Variants in RBFOX1 observed in about 807,000 individuals in gnomAD.
The protein encoded by RBFOX1 is RNA binding fox-1 homolog 1.
A neutral mutation model predicts 57.7 loss-of-function variants in RBFOX1; 8 were observed. That is an observed-to-expected ratio of 0.14 (90% confidence interval 0.08 to 0.25). RBFOX1 has a LOEUF of 0.25. Among genes scored for constraint, RBFOX1 ranks in the 10% least tolerant of loss-of-function variants. RBFOX1 has a pLI of 1.00. For missense variants in RBFOX1, 611 were observed against 548.5 expected (o/e 1.11, Z -1.14); for synonymous variants, 326 against 222.4 (o/e 1.47, Z -4.15).
intron 1 of RBFOX1, among the ~76,000 whole-genome samples, chr16:6,053,607 C>T (rs546308495): frequency 2.8e-4 from 43 of 152,234 alleles, no homozygotes; most frequent in Admixed American, 1.0e-3. Flanking sequence ...TACTGTGTTG[C>T]GTAAATAGTC....
At chr16:6,787,539 G>A (rs4786934) in intron 3 of RBFOX1, among the ~76,000 whole-genome samples, 99,090 of 152,038 alleles carry the variant, frequency 0.65, 32,567 homozygotes, top group African/African-American at 0.7. Flanking sequence ...GGTGTAAACT[G>A]TATTAATTTG....
At chr16:6,385,577 C>T (rs1222959584) in intron 2 of RBFOX1, among the ~76,000 whole-genome samples, 1 of 152,210 alleles carries the variant, frequency 6.6e-6, no homozygotes, top group African/African-American at 2.4e-5. Context: ...CCAGGCTGGT[C>T]TCAAACTCCT....
rs2065722814 is a variant in RBFOX1, at chr16:5,366,589, C to G, written c.220-100627C>G. The G allele has an allele frequency of 2.1e-5, 8 of 385,400 alleles. 1 individual carries two copies. Among genetic ancestry groups the G allele is most frequent in the South Asian group, 1.5e-4 (7 of 45,442 alleles). 23.9% of individuals were successfully genotyped at this position (385,400 alleles called of 1,614,324 possible). A position where few individuals can be genotyped will look rare whatever the true frequency, so the allele number is the denominator to read the frequency against. ...AAATATAGAAAAAGGTGATTCTTTTCCCAGAGAGGAAGCAAAGTTCATCAA... is the reference window on the plus strand; with the variant it reads ...AAATATAGAAAAAGGTGATTCTTTTGCCAGAGAGGAAGCAAAGTTCATCAA... On this transcript the variant is annotated intron_variant, in intron 1 of 2. Transcript: ENST00000585867.
intron 14 of RBFOX1, 130 bp from the exon 15 acceptor site, chr16:7,708,926 A>C: frequency 2.7e-6 from 2 of 750,744 alleles, no homozygotes. Flanking sequence ...TACACAGCAG[A>C]GTAGAATTTG....
At chr16:6,179,000 T>C (rs1287387461) in intron 1 of RBFOX1, among the ~76,000 whole-genome samples, 1 of 152,138 alleles carries the variant, frequency 6.6e-6, no homozygotes, top group Non-Finnish European at 1.5e-5. Context: ...TAAAAAATAT[T>C]TGTATACCAC....
Position 6,907,223 on chromosome 16 carries a change from T to C in RBFOX1, c.-15-144834T>C, listed in dbSNP as rs141781182. ...CAGGGGCCAGGGATGTTGTTAAATA[T>C]CCTACAGTGCGCAGGATGGCCCCCG... On this transcript the variant is annotated intron_variant, in intron 3 of 15. Coordinates refer to ENST00000550418, the MANE Select transcript of RBFOX1 (RefSeq NM_018723.4). Among the ~76,000 whole-genome samples, 58 of 152,230 alleles carry C rather than the reference T, an allele frequency of 3.8e-4. 1 individual carries two copies. The highest frequency in any genetic ancestry group is 1.3e-3 in the African/African-American group (56 of 41,548).
intron 3 of RBFOX1, among the ~76,000 whole-genome samples, chr16:5,762,109 C>T (rs910769001): frequency 6.6e-6 from 1 of 152,010 alleles, no homozygotes; most frequent in African/African-American, 2.4e-5. Context: ...CCTGCAAAAC[C>T]AATAGTATAC....
chr16:6,027,843 G>T (rs1596489150), intron 1 of RBFOX1, among the ~76,000 whole-genome samples: 1 of 152,336 alleles, frequency 6.6e-6, no homozygotes, highest in East Asian at 1.9e-4. Flanking sequence ...GAAGAACCCA[G>T]CGTAGCTGCA....
chr16:6,783,394 T>A (rs2081361293), intron 3 of RBFOX1, among the ~76,000 whole-genome samples: 1 of 151,228 alleles, frequency 6.6e-6, no homozygotes, highest in Non-Finnish European at 1.5e-5. Context: ...TTTAATTTTT[T>A]TGTGTCCCTG....
chr16:6,630,808 C>G (rs1012863893), intron 2 of RBFOX1, among the ~76,000 whole-genome samples: 30 of 152,146 alleles, frequency 2.0e-4, no homozygotes, highest in African/African-American at 5.6e-4. Context: ...CTGCTCGTTA[C>G]AGGAGTTAAG....
intron 2 of RBFOX1, among the ~76,000 whole-genome samples, chr16:6,646,700 C>A (rs772544087): frequency 8.5e-5 from 13 of 152,072 alleles, no homozygotes; most frequent in Non-Finnish European, 1.6e-4. Flanking sequence ...CACCTCGTTT[C>A]TCAGTGGTAT....
At chr16:7,255,478 A>T (rs1193718985) in intron 4 of RBFOX1, among the ~76,000 whole-genome samples, 1 of 152,246 alleles carries the variant, frequency 6.6e-6, no homozygotes, top group African/African-American at 2.4e-5. Context: ...CACTTTAAAA[A>T]TAAGTGAATA....
In RBFOX1 at chr16:6,980,146, C is replaced by T. The variant is rs185042799; in HGVS notation, c.-15-71911C>T. 7.6e-4 allele frequency among the ~76,000 whole-genome samples: 115 copies of T among 152,220 alleles called. 1 individual carries two copies. The highest frequency in any genetic ancestry group is 3.7e-3 in the Admixed American group (56 of 15,280). On this transcript the variant is annotated intron_variant, in intron 3 of 15. Coordinates refer to ENST00000550418, the MANE Select transcript of RBFOX1 (RefSeq NM_018723.4). ...CGTATGTCACCTGAGAACCTTAATC[C>T]CTCTTCAATTAAGCCTCCGCAGTTA...
rs111576632 is a variant in RBFOX1, at chr16:7,060,220, A to G, written c.27+8122A>G. Among the ~76,000 whole-genome samples the G allele has an allele frequency of 2.8e-3, 432 of 152,334 alleles. 3 individuals carry two copies. The highest frequency in any genetic ancestry group is 1.0e-2 in the African/African-American group (415 of 41,590). The stretch of plus-strand genomic sequence containing the variant: ...CTGCCATAATAGCACAAAAGCAGCC[A>G]TAGATAAAATGAATGATTGAGGCTA... On this transcript the variant is annotated intron_variant, in intron 4 of 15. Coordinates refer to ENST00000550418, the MANE Select transcript of RBFOX1 (RefSeq NM_018723.4).
intron 14 of RBFOX1, among the ~76,000 whole-genome samples, chr16:7,688,733 A>G (rs1476635290): frequency 1.3e-5 from 2 of 152,146 alleles, no homozygotes; most frequent in Non-Finnish European, 2.9e-5. Flanking sequence ...ATCTTAAAAG[A>G]TTAGTCAGGC....
intron 2 of RBFOX1, among the ~76,000 whole-genome samples, chr16:6,343,114 T>C (rs1399934120): frequency 6.6e-6 from 1 of 152,124 alleles, no homozygotes; most frequent in East Asian, 1.9e-4. Flanking sequence ...ATGAGTCTCT[T>C]GGTCTTTCTT....
chr16:6,448,566 C>G (rs981579688), intron 2 of RBFOX1, among the ~76,000 whole-genome samples: 3 of 152,098 alleles, frequency 2.0e-5, no homozygotes, highest in Non-Finnish European at 4.4e-5. Flanking sequence ...TAGACTTTAC[C>G]TGCCCATAGC....
At chr16:7,417,700 G>A (rs1242507021) in intron 4 of RBFOX1, among the ~76,000 whole-genome samples, 1 of 152,016 alleles carries the variant, frequency 6.6e-6, no homozygotes, top group Non-Finnish European at 1.5e-5. Context: ...CCATATCTCA[G>A]GAAACCTTAA....
chr16:7,467,427 G>A (rs2060731295), intron 4 of RBFOX1, among the ~76,000 whole-genome samples: 1 of 152,212 alleles, frequency 6.6e-6, no homozygotes, highest in Admixed American at 6.5e-5. Context: ...GAGGACATTG[G>A]GATGTAACAA....
Sources: allele counts gnomAD v4.1 joint callset (sites outside exome capture counted in the v4.1 genomes callset), GRCh38; gene constraint gnomAD v4.1.1; transcripts MANE v1.5; gene names NCBI Gene and HGNC (gene_info 2026-07-23, HGNC 2026-07-21).